The following MRPL54 variants were observed in gnomAD, a reference collection of about 807,000 sequenced individuals.
MRPL54 encodes the protein mitochondrial ribosomal protein L54.
A neutral mutation model predicts 15.6 loss-of-function variants in MRPL54; 12 were observed. The ratio of observed to expected loss-of-function variants is 0.77; its 90% CI spans 0.49 to 1.24. The LOEUF is 1.24. Among genes scored for constraint, MRPL54 ranks in the 50% most tolerant of loss-of-function variants. MRPL54 has a pLI of 0.00. For missense variants in MRPL54, 178 were observed against 186.8 expected (o/e 0.95, Z 0.28); for synonymous variants, 91 against 75.7 (o/e 1.20, Z -1.05).
intron 1 of MRPL54, 126 bp from the exon 2 acceptor site, chr19:3,765,040 A>C: frequency 9.9e-7 from 1 of 1,005,486 alleles, no homozygotes; most frequent in Non-Finnish European, 1.4e-6. Context: ...AAAAAAAAAA[A>C]AGAAAGTTTT....
Position 3,767,540 on chromosome 19 carries a change from A to T in MRPL54, c.*147A>T. On this transcript the variant is annotated 3_prime_UTR_variant, in exon 3 of 3. Coordinates refer to ENST00000330133, the MANE Select transcript of MRPL54 (RefSeq NM_172251.3). ...GGCTGGACCAGGGCCCTGGAGGCCA[A>T]TAAAGAGCTTTCTGGGTAGACCCTA... 1 of 1,125,424 alleles carries T rather than the reference A, an allele frequency of 8.9e-7. No individual in the cohort carries two copies. The highest frequency in any genetic ancestry group is 2.9e-5 in the Admixed American group (1 of 34,246). 69.7% of individuals were successfully genotyped at this position (1,125,424 alleles called of 1,614,324 possible).
Position 3,767,358 on chromosome 19 carries a change from C to G in MRPL54, c.382C>G (p.Arg128Gly). Residue 128 changes from arginine (R) to glycine (G), a missense_variant, in exon 3 of 3, where the codon CGC (arginine) becomes GGC (glycine). Coordinates refer to ENST00000330133, the MANE Select transcript of MRPL54 (RefSeq NM_172251.3). ...WRRLRKQNIWRHNRLSKNKRL is the reference protein window; with the variant it reads ...WRRLRKQNIWGHNRLSKNKRL ...GCGGCTGCGGAAACAGAACATCTGGCGCCACAACCGGCTGAGCAAGAACAA... is the reference window on the plus strand; with the variant it reads ...GCGGCTGCGGAAACAGAACATCTGGGGCCACAACCGGCTGAGCAAGAACAA... 6.2e-7 allele frequency: 1 copy of G among 1,610,182 alleles called. No individual in the cohort carries two copies. Among genetic ancestry groups the G allele is most frequent in the South Asian group, 1.1e-5 (1 of 90,910 alleles).
At chr19:3,765,425 G>A (rs1206135075) in intron 2 of MRPL54, 94 bp downstream of exon 2, 9 of 1,414,100 alleles carry the variant, frequency 6.4e-6, no homozygotes, top group African/African-American at 2.9e-5. Context: ...CACTCCAGCC[G>A]GAGCCTAATA....
intron 1 of MRPL54, 38 bp from the exon 2 acceptor site, chr19:3,765,128 G>A (rs367801368): frequency 2.5e-5 from 40 of 1,578,874 alleles, no homozygotes; most frequent in African/African-American, 6.8e-5. Flanking sequence ...TCCAGAGGAG[G>A]GGCTGGGCTG....
In MRPL54 at chr19:3,767,285, C is replaced by T. The variant is rs562740630; in HGVS notation, c.309C>T (p.Pro103=). 5.0e-6 allele frequency: 8 copies of T among 1,612,784 alleles called. No homozygotes were observed. The African/African-American group carries it at 1.1e-4, about 22-fold the overall frequency. The change falls in exon 3 of 3, where the codon CCC becomes CCT. Residue 103 remains proline (P), a synonymous_variant. Transcript: ENST00000330133. ...GGCTGTTCGAGATGAACTTGGGTCC[C>T]CCAAAGACCCTGGAGGAGCTGGACC... ...PEWLFEMNLG[P]PKTLEELDPE...
At chr19:3,765,044 A>G in intron 1 of MRPL54, 122 bp from the exon 2 acceptor site, 2 of 1,004,328 alleles carry the variant, frequency 2.0e-6, no homozygotes, top group Non-Finnish European at 2.8e-6. Flanking sequence ...AAAAAAAAGA[A>G]AGTTTTGAGT....
rs148357240 is a variant in MRPL54, at chr19:3,763,344, A to G, written c.118+526A>G. Among the ~76,000 whole-genome samples, 702 of 152,332 alleles carry G rather than the reference A, an allele frequency of 4.6e-3. 12 individuals are homozygous for G. Among genetic ancestry groups the G allele is most frequent in the African/African-American group, 0.016 (669 of 41,568 alleles). ...TTTGTTGAAAGGGGGAAATTGTCCAATGTTCGGCCTTAAAGACAGACACAT... is the reference window on the plus strand; with the variant it reads ...TTTGTTGAAAGGGGGAAATTGTCCAGTGTTCGGCCTTAAAGACAGACACAT... On this transcript the variant is annotated intron_variant, in intron 1 of 2. Coordinates refer to ENST00000330133, the MANE Select transcript of MRPL54 (RefSeq NM_172251.3).
chr19:3,767,205 AC>A, intron 2 of MRPL54, 55 bp from the exon 3 acceptor site: 1 of 1,561,010 alleles, frequency 6.4e-7, no homozygotes, highest in South Asian at 1.2e-5. Flanking sequence ...TGCCCGGGAC[AC>A]CAGGGAGCCC....
At chr19:3,763,014 A>C (rs2037165722) in intron 1 of MRPL54, among the ~76,000 whole-genome samples, 196 bp downstream of exon 1, 1 of 152,230 alleles carries the variant, frequency 6.6e-6, no homozygotes, top group Non-Finnish European at 1.5e-5. Context: ...GAGATACTGT[A>C]GCGATTGGAC....
At chr19:3,765,570 A>G (rs892168933) in intron 2 of MRPL54, among the ~76,000 whole-genome samples, 2 of 152,106 alleles carry the variant, frequency 1.3e-5, no homozygotes, top group Non-Finnish European at 2.9e-5. Context: ...CAAGTACCTA[A>G]AACAATGCTT....
chr19:3,762,691 G>A lies in MRPL54; in HGVS notation c.-10G>A, dbSNP rs781210298. ...GGAAACGTGCACTTGCAAGCTGCCC[G>A]CAATACGTCATGGCGACCAAACGCC... is the stretch of plus-strand genomic sequence containing the variant. On this transcript the variant is annotated 5_prime_UTR_variant, in exon 1 of 3. Coordinates refer to ENST00000330133, the MANE Select transcript of MRPL54 (RefSeq NM_172251.3). 6.8e-6 allele frequency: 11 copies of A among 1,609,804 alleles called. No homozygotes were observed. The highest frequency in any genetic ancestry group is 9.3e-6 in the Non-Finnish European group (11 of 1,178,040).
In MRPL54 at chr19:3,762,742, C is replaced by G; in HGVS notation, c.42C>G (p.Ala14=). The G allele has an allele frequency of 6.2e-7, 1 of 1,611,114 alleles. No individual in the cohort carries two copies. The highest frequency in any genetic ancestry group is 8.5e-7 in the Non-Finnish European group (1 of 1,178,790). The change falls in exon 1 of 3, where the codon GCC becomes GCG. Residue 14 remains alanine (A), a synonymous_variant. Transcript: ENST00000330133. ...KRLFGATRTW[A]GWGAWELLNP... is the part of the protein sequence containing the mutation. ...TTTTCGGGGCTACCCGGACGTGGGC[C>G]GGCTGGGGGGCCTGGGAGCTCCTAA...
Position 3,763,070 on chromosome 19 carries a change from A to G in MRPL54, c.118+252A>G, listed in dbSNP as rs145092420. Among the ~76,000 whole-genome samples, 142 of 152,224 alleles carry G rather than the reference A, an allele frequency of 9.3e-4. 1 individual carries two copies. In the East Asian group the frequency reaches 0.025, roughly 26 times the overall value. Reference sequence around the variant, plus strand: ...TGGGGCGGAGCGGCCTGGGAGGAGGATGTGGTTACGTGGAGACCACGCGTT... The same window carrying G: ...TGGGGCGGAGCGGCCTGGGAGGAGGGTGTGGTTACGTGGAGACCACGCGTT... On this transcript the variant is annotated intron_variant, in intron 1 of 2. Transcript: ENST00000330133.
Position 3,767,178 on chromosome 19 carries a change from G to A in MRPL54, c.285-83G>A, listed in dbSNP as rs975129299. 1.3e-5 allele frequency: 20 copies of A among 1,508,288 alleles called. 1 individual carries two copies. The highest frequency in any genetic ancestry group is 2.4e-4 in the Middle Eastern group (1 of 4,128). The allele number at this position is 1,508,288 out of a possible 1,614,324, so 93.4% of individuals were successfully genotyped here. ...AGTGGGCCTGGCACCCAGCCCCGTC[G>A]CCGCCTCTGCCCGAGGTGCCCGGGA... On this transcript the variant is annotated intron_variant, in intron 2 of 2. Transcript: ENST00000330133.
At chr19:3,764,008 A>C (rs539588412) in intron 1 of MRPL54, among the ~76,000 whole-genome samples, 1 of 151,738 alleles carries the variant, frequency 6.6e-6, no homozygotes, top group East Asian at 1.9e-4. Flanking sequence ...CAGAAGGATC[A>C]CTTGAGCCTG....
At chr19:3,766,707 G>T (rs540187920) in intron 2 of MRPL54, among the ~76,000 whole-genome samples, 1 of 152,232 alleles carries the variant, frequency 6.6e-6, no homozygotes, top group East Asian at 1.9e-4. Flanking sequence ...CAGAGCCGGG[G>T]TGTTTGGCTG....
chr19:3,762,863 G>A (rs1323436479), intron 1 of MRPL54, 45 bp downstream of exon 1: 2 of 1,440,512 alleles, frequency 1.4e-6, no homozygotes, highest in Non-Finnish European at 1.9e-6. Context: ...TGGGTGCACT[G>A]AGGAATTGAC....
rs2037162239 is a variant in MRPL54 at position 3,762,763 on chromosome 19, C to T, written c.63C>T (p.Leu21=). Residue 21 remains leucine (L), a synonymous_variant, in exon 1 of 3, where the codon CTC becomes CTT. Transcript: ENST00000330133. ...RTWAGWGAWE[L]LNPATSGRLL... Reference sequence around the variant, plus strand: ...GGGCCGGCTGGGGGGCCTGGGAGCTCCTAAACCCCGCCACTTCCGGAAGAC... The same window carrying T: ...GGGCCGGCTGGGGGGCCTGGGAGCTTCTAAACCCCGCCACTTCCGGAAGAC... 1 of 1,608,630 alleles carries T rather than the reference C, an allele frequency of 6.2e-7. No homozygotes were observed. Among genetic ancestry groups the T allele is most frequent in the Non-Finnish European group, 8.5e-7 (1 of 1,177,678 alleles).
chr19:3,764,539 C>T (rs2037179465), intron 1 of MRPL54, among the ~76,000 whole-genome samples: 1 of 151,894 alleles, frequency 6.6e-6, no homozygotes, highest in Non-Finnish European at 1.5e-5. Flanking sequence ...TCCCGAGTAG[C>T]TGGGATCACA....
Sources: gnomAD v4.1 joint callset for allele counts (sites outside exome capture counted in the v4.1 genomes callset) on GRCh38, gnomAD v4.1.1 for gene constraint, MANE v1.5 for transcripts, NCBI Gene and HGNC (gene_info 2026-07-23, HGNC 2026-07-21) for gene names.